CUX2: variants seen among roughly 807,000 people sequenced by gnomAD.
CUX2 encodes the protein cut like homeobox 2.
A neutral mutation model predicts 144.8 loss-of-function variants in CUX2; 40 were observed. The observed-to-expected ratio is 0.28, with a 90% CI of 0.21 to 0.36. CUX2 has a LOEUF of 0.36. CUX2 is among the 10% of genes least tolerant of loss of function. CUX2 has a pLI of 1.00. For missense variants in CUX2, 1,615 were observed against 1,994.0 expected, an observed-to-expected ratio of 0.81 and a Z score of 3.62; for synonymous variants, 827 against 875.6, an observed-to-expected ratio of 0.94 and a Z score of 0.98.
chr12:111,281,590 C>T (rs1234257917), intron 4 of CUX2, among the ~76,000 whole-genome samples: 4 of 152,238 alleles, frequency 2.6e-5, no homozygotes, highest in Non-Finnish European at 5.9e-5. Context: ...GCTCAATAAA[C>T]GGGCTGAGTG....
chr12:111,182,609 C>T (rs1879258936), intron 1 of CUX2, among the ~76,000 whole-genome samples: 1 of 152,234 alleles, frequency 6.6e-6, no homozygotes, highest in Non-Finnish European at 1.5e-5. Context: ...TTCCCAGAAG[C>T]TGGCTCCGCT....
chr12:111,273,052 C>T (rs1014103705), intron 4 of CUX2, among the ~76,000 whole-genome samples: 1 of 152,176 alleles, frequency 6.6e-6, no homozygotes. Flanking sequence ...CCTGTGGGAA[C>T]TCAAGCTCAA....
intron 1 of CUX2, among the ~76,000 whole-genome samples, chr12:111,089,465 C>G (rs1338069067): frequency 4.6e-5 from 7 of 152,236 alleles, no homozygotes; most frequent in Admixed American, 4.6e-4. Flanking sequence ...GCCCAGGGCT[C>G]TGAGCTGAGA....
chr12:111,138,685 C>T (rs1876090194), intron 1 of CUX2, among the ~76,000 whole-genome samples: 1 of 152,112 alleles, frequency 6.6e-6, no homozygotes, highest in South Asian at 2.1e-4. Flanking sequence ...ACCCAGACCC[C>T]TTTGCCAAGC....
Position 111,246,862 on chromosome 12 carries a change from C to G in CUX2, c.223-16899C>G, listed in dbSNP as rs759070006. Among the ~76,000 whole-genome samples, 4 of 152,168 alleles carry G rather than the reference C, an allele frequency of 2.6e-5. No individual in the cohort carries two copies. Among genetic ancestry groups the G allele is most frequent in the Non-Finnish European group, 5.9e-5 (4 of 68,024 alleles). ...GCAGGGTACATGACTCCGTCCTTGA[C>G]TGTCCCTCCTCAAAGCGCTGCTTCC... On this transcript the variant is annotated intron_variant, in intron 3 of 21. Coordinates refer to ENST00000261726, the MANE Select transcript of CUX2 (RefSeq NM_015267.4). This position sits in a 1 kb window ranked among gnomAD's most constrained non-coding sequence, Gnocchi z 4.0.
At chr12:111,105,485 C>CTG (rs139804461) in intron 1 of CUX2, among the ~76,000 whole-genome samples, 3,205 of 149,624 alleles carry the variant, frequency 0.021, 45 homozygotes, top group South Asian at 0.076. Context: ...CTGGAAAGCT[C>CTG]TGTGTGTGTG....
chr12:111,205,843 G>T (rs1412820536), intron 1 of CUX2, among the ~76,000 whole-genome samples: 1 of 152,134 alleles, frequency 6.6e-6, no homozygotes, highest in Non-Finnish European at 1.5e-5. Context: ...GGCTCTTTAG[G>T]GGTCTCTGGC....
At position 111,263,832 on chromosome 12, in the gene CUX2, A is replaced by C. The variant is rs554538033; in HGVS notation, c.294A>C (p.Glu98Asp). The change falls in exon 4 of 22, where the codon GAA becomes GAC. Residue 98 changes from glutamate (E) to aspartate (D), a missense_variant. This residue lies in a region of CUX2 where 295 missense variants were observed against 400.2 expected (regional missense o/e 0.74). Coordinates refer to ENST00000261726, the MANE Select transcript of CUX2 (RefSeq NM_015267.4). The surrounding 1 kb of genome is among the most constrained non-coding windows in gnomAD (Gnocchi z 4.0). ...AFLSVYKQLI[E>D]APDPVPVFEA... is the part of the protein sequence containing the mutation. ...TGAGTGTTTACAAGCAATTAATTGA[A>C]GCACCAGGTAAGAAATGCTTGGGCT... 6.2e-7 allele frequency: 1 copy of C among 1,613,776 alleles called. No homozygotes were observed. Among genetic ancestry groups the C allele is most frequent in the South Asian group, 1.1e-5 (1 of 91,072 alleles).
At chr12:111,339,646 CAAG>C (rs1356610038) in intron 20 of CUX2, 1 of 152,202 alleles carries the variant, frequency 6.6e-6, no homozygotes, top group East Asian at 1.9e-4. Context: ...TGCTATGCAT[CAAG>C]GATTCCTCTA....
At chr12:111,260,487 G>T (rs1884062855) in intron 3 of CUX2, among the ~76,000 whole-genome samples, 1 of 152,102 alleles carries the variant, frequency 6.6e-6, no homozygotes. Context: ...AAGTATTGGG[G>T]TATTTTACAT....
At chr12:111,124,769 G>GT (rs1874934488) in intron 1 of CUX2, among the ~76,000 whole-genome samples, 1 of 152,174 alleles carries the variant, frequency 6.6e-6, no homozygotes, top group Non-Finnish European at 1.5e-5. Flanking sequence ...CCAACAGTTG[G>GT]TTTTTTGACC....
At chr12:111,166,293 A>AAGC (rs1878137037) in intron 1 of CUX2, among the ~76,000 whole-genome samples, 1 of 152,194 alleles carries the variant, frequency 6.6e-6, no homozygotes, top group African/African-American at 2.4e-5. Context: ...AAGCACTGGG[A>AAGC]TTACAGGCGT....
intron 1 of CUX2, among the ~76,000 whole-genome samples, chr12:111,064,220 A>C (rs1013448140): frequency 6.6e-6 from 1 of 152,190 alleles, no homozygotes; most frequent in Non-Finnish European, 1.5e-5. Context: ...CACCAGCAGC[A>C]GGAGGCGATG....
chr12:111,142,105 C>G (rs1382983918), intron 1 of CUX2, among the ~76,000 whole-genome samples: 1 of 152,056 alleles, frequency 6.6e-6, no homozygotes, highest in East Asian at 1.9e-4. Context: ...AAAACTATTG[C>G]CTGGGGGCAG....
At chr12:111,070,946 C>CT (rs1050114071) in intron 1 of CUX2, among the ~76,000 whole-genome samples, 2 of 152,120 alleles carry the variant, frequency 1.3e-5, no homozygotes, top group African/African-American at 4.8e-5. Flanking sequence ...TTTAGCTCAT[C>CT]TTTTTTTAGT....
At chr12:111,199,632 C>T (rs547736529) in intron 1 of CUX2, among the ~76,000 whole-genome samples, 1 of 152,280 alleles carries the variant, frequency 6.6e-6, no homozygotes, top group African/African-American at 2.4e-5. Flanking sequence ...GTCTGTCATG[C>T]TCAGGTTTTC....
chr12:111,126,941 G>A (rs1410438192), intron 1 of CUX2, among the ~76,000 whole-genome samples: 1 of 152,188 alleles, frequency 6.6e-6, no homozygotes, highest in Non-Finnish European at 1.5e-5. Flanking sequence ...GGAAGAGGAA[G>A]TAAAGGACTT....
chr12:111,063,905 G>A (rs929752954), intron 1 of CUX2, among the ~76,000 whole-genome samples: 7 of 152,274 alleles, frequency 4.6e-5, no homozygotes, highest in African/African-American at 9.6e-5. Flanking sequence ...GTGTGTTTAC[G>A]CTGTCGAGGA....
At chr12:111,212,622 G>A (rs1881295843) in intron 1 of CUX2, among the ~76,000 whole-genome samples, 1 of 152,208 alleles carries the variant, frequency 6.6e-6, no homozygotes, top group African/African-American at 2.4e-5. Flanking sequence ...TGAGATTACA[G>A]GCATGAGCCA....
Sources: gnomAD v4.1 joint callset for allele counts (sites outside exome capture counted in the v4.1 genomes callset) on GRCh38, gnomAD v4.1.1 for gene constraint, gnomAD v4.1.1 regional missense constraint, Gnocchi (gnomAD v3.1) non-coding constraint, MANE v1.5 for transcripts, NCBI Gene and HGNC (gene_info 2026-07-23, HGNC 2026-07-21) for gene names.